The following ZNF43 variants were observed in gnomAD, a reference collection of about 807,000 sequenced individuals.
ZNF43 encodes the protein zinc finger protein 39-like 1 (KOX 27).
Under a neutral mutation model 68.4 loss-of-function variants are expected in ZNF43, and 44 were observed. The observed-to-expected ratio is 0.64, with a 90% CI of 0.51 to 0.83. ZNF43 has a LOEUF of 0.83. Among genes scored for constraint, ZNF43 ranks in the 40% least tolerant of loss-of-function variants. The probability of loss-of-function intolerance (pLI) is 0.00; values close to 1 mark genes in which losing one functional copy is unlikely to be tolerated. For synonymous variants in ZNF43, 308 were observed against 307.8 expected (o/e 1.00, Z -0.01); for missense variants, 896 against 933.2 (o/e 0.96, Z 0.52).
upstream of ZNF43, among the ~76,000 whole-genome samples, chr19:21,837,279 G>A (rs1967173008): frequency 6.6e-6 from 1 of 152,030 alleles, no homozygotes. Flanking sequence ...AATAGGTACA[G>A]AAGTTCTAAT....
chr19:21,847,989 A>C (rs1039274923), intron 1 of ZNF43, among the ~76,000 whole-genome samples: 3 of 149,860 alleles, frequency 2.0e-5, no homozygotes, highest in African/African-American at 7.4e-5. Flanking sequence ...TGCCCGGCTA[A>C]TTTTTGTATT....
chr19:21,837,415 CTTTTTTTTTT>C (rs539940868), upstream of ZNF43, among the ~76,000 whole-genome samples: 180 of 83,992 alleles, frequency 2.1e-3, 2 homozygotes, highest in African/African-American at 9.7e-3. Context: ...CCTACACTTA[CTTTTTTTTTT>C]TTTTTTTTTT....
rs1364112721 is a variant in ZNF43 at position 21,807,548 on chromosome 19, C to T, written c.*59G>A. ...TTATCTTACCTACAATCAAGTGTGA[C>T]AACCATGTAAAGCCTTTATCACATT... On this transcript the variant is annotated 3_prime_UTR_variant, in exon 4 of 4. Transcript: ENST00000354959. 2 of 1,411,100 alleles carry T rather than the reference C, an allele frequency of 1.4e-6. No individual in the cohort carries two copies. The highest frequency in any genetic ancestry group is 4.7e-5 in the East Asian group (2 of 42,414). 87.4% of individuals were successfully genotyped at this position (1,411,100 alleles called of 1,614,324 possible). A position where few individuals can be genotyped will look rare whatever the true frequency, so the allele number is the denominator to read the frequency against.
At chr19:21,843,947 G>A (rs1442025541) in intron 1 of ZNF43, among the ~76,000 whole-genome samples, 5 of 152,100 alleles carry the variant, frequency 3.3e-5, no homozygotes, top group Admixed American at 2.0e-4. Context: ...TTATGTTAAG[G>A]GATGACAATA....
intron 1 of ZNF43, chr19:21,851,895 G>A (rs373900116): frequency 3.2e-6 from 5 of 1,575,420 alleles, no homozygotes; most frequent in African/African-American, 1.4e-5. Flanking sequence ...GCCTAACCCC[G>A]CACACTCACC....
chr19:21,848,148 T>C (rs12985290), intron 1 of ZNF43, among the ~76,000 whole-genome samples: 25,219 of 151,730 alleles, frequency 0.17, 2,407 homozygotes, highest in Non-Finnish European at 0.22. Flanking sequence ...TTGTTGTTGT[T>C]GTTGTTGTTT....
chr19:21,817,158 G>C (rs943103214), intron 3 of ZNF43, among the ~76,000 whole-genome samples: 23 of 151,876 alleles, frequency 1.5e-4, no homozygotes, highest in African/African-American at 4.8e-4. Context: ...AGAAGGCAGA[G>C]GTTGCAGTGA....
chr19:21,827,610 C>T (rs982069463), intron 1 of ZNF43, among the ~76,000 whole-genome samples: 1 of 151,830 alleles, frequency 6.6e-6, no homozygotes, highest in East Asian at 1.9e-4. Flanking sequence ...GATCCACCCA[C>T]CTTGGCCTCC....
chr19:21,843,562 G>A (rs923935327), intron 1 of ZNF43, among the ~76,000 whole-genome samples: 3 of 152,196 alleles, frequency 2.0e-5, no homozygotes, highest in Non-Finnish European at 4.4e-5. Flanking sequence ...GGCCAAGGCA[G>A]GTGGATCACC....
intron 1 of ZNF43, among the ~76,000 whole-genome samples, chr19:21,832,328 G>A (rs1242449502): frequency 1.3e-5 from 2 of 152,038 alleles, no homozygotes; most frequent in African/African-American, 2.4e-5. Context: ...CTAATACTAC[G>A]TAGAAAACTG....
At chr19:21,817,386 C>T (rs1401671167) in intron 3 of ZNF43, among the ~76,000 whole-genome samples, 1 of 151,756 alleles carries the variant, frequency 6.6e-6, no homozygotes, top group Non-Finnish European at 1.5e-5. Context: ...GGAAAAAGAA[C>T]AAAGCAAAGA....
chr19:21,819,219 T>G lies in ZNF43; in HGVS notation c.6A>C (p.Gly2=). 1 of 1,589,168 alleles carries G rather than the reference T, an allele frequency of 6.3e-7. No homozygotes were observed. Among genetic ancestry groups the G allele is most frequent in the South Asian group, 1.2e-5 (1 of 86,946 alleles). Residue 2 remains glycine, a splice_region_variant and synonymous_variant, in exon 2 of 4, where the codon GGA becomes GGC. Transcript: ENST00000354959. M[G]PLTFMDVAIE... is the part of the protein sequence containing the mutation. ...TGGCCACATCCATAAATGTCAATGG[T>G]CCCTAAAAAAAACAACACATACACA...
upstream of ZNF43, chr19:21,838,860 G>C (rs897824117): frequency 6.6e-6 from 1 of 152,144 alleles, no homozygotes; most frequent in Non-Finnish European, 1.5e-5. Context: ...CCCAGGTTAG[G>C]CATTCTTAGT....
chr19:21,845,009 G>A (rs1967856401), intron 1 of ZNF43, among the ~76,000 whole-genome samples: 1 of 146,504 alleles, frequency 6.8e-6, no homozygotes, highest in Admixed American at 6.8e-5. Context: ...ATCACCTGGG[G>A]CTGGTCTAGA....
chr19:21,830,257 G>A (rs1488433489), intron 1 of ZNF43, among the ~76,000 whole-genome samples: 2 of 146,110 alleles, frequency 1.4e-5, no homozygotes, highest in African/African-American at 5.2e-5. Context: ...AATAGAGAGA[G>A]ATTCTGTTTC....
intron 1 of ZNF43, among the ~76,000 whole-genome samples, chr19:21,845,049 G>T (rs1210951895): frequency 6.6e-6 from 1 of 150,446 alleles, no homozygotes; most frequent in Admixed American, 6.6e-5. Flanking sequence ...TGAGTGCAAG[G>T]ACGAGACAGG....
intron 1 of ZNF43, among the ~76,000 whole-genome samples, chr19:21,829,609 T>A (rs1040175149): frequency 6.6e-6 from 1 of 152,182 alleles, no homozygotes. Flanking sequence ...TGGCTGTTAA[T>A]ATGATTTAAA....
chr19:21,826,473 G>A (rs1297216055), intron 1 of ZNF43: 1 of 152,182 alleles, frequency 6.6e-6, no homozygotes, highest in Non-Finnish European at 1.5e-5. Context: ...CAGAAAGAGA[G>A]TTCAGCAGGC....
intron 1 of ZNF43, among the ~76,000 whole-genome samples, chr19:21,847,423 G>C (rs1175463060): frequency 6.6e-6 from 1 of 152,158 alleles, no homozygotes; most frequent in Non-Finnish European, 1.5e-5. Flanking sequence ...CTGGTCAGGC[G>C]CGGTGGCTCA....
Sources: allele counts gnomAD v4.1 joint callset (sites outside exome capture counted in the v4.1 genomes callset), GRCh38; gene constraint gnomAD v4.1.1; transcripts MANE v1.5; gene names NCBI Gene and HGNC (gene_info 2026-07-23, HGNC 2026-07-21).